MYO5A: variants seen among roughly 807,000 people sequenced by gnomAD.
MYO5A encodes the protein unconventional myosin-Va.
MYO5A carries 98 observed loss-of-function variants against 249.7 expected under a neutral mutation model. That is an observed-to-expected ratio of 0.39 (90% CI 0.33 to 0.46). The LOEUF is 0.46. Ranked by LOEUF, MYO5A falls within the 20% of genes least tolerant of loss-of-function variation. MYO5A has a pLI of 0.98. For synonymous variants in MYO5A, 778 were observed against 810.6 expected (o/e 0.96, Z 0.68); for missense variants, 1,696 against 2,308.8 (o/e 0.73, Z 5.44).
intron 1 of MYO5A, among the ~76,000 whole-genome samples, chr15:52,440,220 A>G (rs1347026153): frequency 6.6e-6 from 1 of 150,892 alleles, no homozygotes; most frequent in Non-Finnish European, 1.5e-5. Context: ...TGGGGGTTAC[A>G]CCCAGCCTTG....
chr15:52,337,791 G>A lies in MYO5A; in HGVS notation c.4314+19C>T, dbSNP rs1206267612. ...AGTAGCAAGGGAAGACAGCAGAAAA[G>A]CACTATGGTTTTACATACAATCATC... On this transcript the variant is annotated intron_variant, in intron 33 of 41. Transcript: ENST00000399233. 1 of 1,510,696 alleles carries A rather than the reference G, an allele frequency of 6.6e-7. No individual in the cohort carries two copies. The highest frequency in any genetic ancestry group is 2.0e-5 in the Admixed American group (1 of 50,288). 93.6% of individuals were successfully genotyped at this position (1,510,696 alleles called of 1,614,324 possible).
intron 1 of MYO5A, chr15:52,437,948 A>G (rs2075702393): frequency 1.4e-5 from 12 of 830,404 alleles, no homozygotes; most frequent in Non-Finnish European, 1.7e-5. Flanking sequence ...CCACCCTGAT[A>G]ACCAATTTCC....
intron 36 of MYO5A, 111 bp downstream of exon 36, chr15:52,327,741 A>G: frequency 8.6e-7 from 1 of 1,168,444 alleles, no homozygotes; most frequent in Admixed American, 1.7e-5. Flanking sequence ...AAAAATTGGA[A>G]AGTTTTAATA....
At chr15:52,493,208 G>T (rs150429045) in intron 1 of MYO5A, among the ~76,000 whole-genome samples, 1 of 152,322 alleles carries the variant, frequency 6.6e-6, no homozygotes, top group Non-Finnish European at 1.5e-5. Context: ...TATAGCCACA[G>T]ATTAAGTGGC....
chr15:52,502,140 G>A (rs879912080), intron 1 of MYO5A, among the ~76,000 whole-genome samples: 11 of 152,090 alleles, frequency 7.2e-5, no homozygotes, highest in Non-Finnish European at 1.6e-4. Context: ...AAAATTATCC[G>A]GGCATGGCGG....
intron 1 of MYO5A, among the ~76,000 whole-genome samples, chr15:52,504,062 T>TCC (rs1566862521): frequency 1.3e-5 from 2 of 151,620 alleles, no homozygotes; most frequent in African/African-American, 2.4e-5. Flanking sequence ...TTCTTTTTTT[T>TCC]TTTTTTTTTT....
chr15:52,352,550 G>C (rs941777759), intron 27 of MYO5A, among the ~76,000 whole-genome samples: 1 of 152,212 alleles, frequency 6.6e-6, no homozygotes. Context: ...GGGAGGCCGA[G>C]ACAGTTGGAT....
rs1196110592 is a variant in MYO5A, at chr15:52,407,325, T to A, written c.913A>T (p.Met305Leu). ...VIEGVDDAKE[M>L]AHTRQACTLL... is the part of the protein sequence containing the mutation. ...GTGCAGGCCTGCCTAGTATGTGCCA[T>A]CTCCTTTGCATCATCCACTCCTTCA... Residue 305 changes from methionine (M) to leucine (L), a missense_variant, in exon 8 of 42, where the codon ATG becomes TTG. Coordinates refer to ENST00000399233, the MANE Select transcript of MYO5A (RefSeq NM_001382347.1). 3 of 1,613,590 alleles carry A rather than the reference T, an allele frequency of 1.9e-6. No individual in the cohort carries two copies. In the African/African-American group the frequency reaches 4.0e-5, roughly 22 times the overall value.
At chr15:52,327,811 T>C (rs771233153) in intron 36 of MYO5A, 41 bp downstream of exon 36, 5 of 1,571,984 alleles carry the variant, frequency 3.2e-6, no homozygotes, top group Middle Eastern at 1.7e-4. Context: ...TCTGTCATCA[T>C]TAACAATTCA....
In MYO5A at chr15:52,364,535, A is replaced by C; in HGVS notation, c.3309+19T>G. 3.1e-6 allele frequency: 5 copies of C among 1,596,482 alleles called. No individual in the cohort carries two copies. The highest frequency in any genetic ancestry group is 1.2e-5 in the South Asian group (1 of 85,624). ...TTTAAAATTTTTCATTAAAAAAAAA[A>C]CAAAAGTGTTTGACTCACCACCATA... On this transcript the variant is annotated intron_variant, in intron 24 of 41. Coordinates refer to ENST00000399233, the MANE Select transcript of MYO5A (RefSeq NM_001382347.1).
In MYO5A at chr15:52,317,134, C is replaced by A; in HGVS notation, c.5323G>T (p.Ala1775Ser). 6.2e-7 allele frequency: 1 copy of A among 1,614,120 alleles called. No homozygotes were observed. The highest frequency in any genetic ancestry group is 8.5e-7 in the Non-Finnish European group (1 of 1,180,010). ...AKETLEPLIQAAQLLQVKKKT... is the reference protein window; with the variant it reads ...AKETLEPLIQSAQLLQVKKKT... ...TTTTTCACTTGCAAAAGTTGAGCAG[C>A]CTGAATGAGAGGTTCCAGGGTTTCT... Residue 1775 changes from alanine (A) to serine (S), a missense_variant, in exon 40 of 42, where the codon GCT becomes TCT. Ala to Ser is a moderately conservative substitution (Grantham distance 99). This residue lies in a region of MYO5A where 625 missense variants were observed against 908.1 expected (regional missense o/e 0.69). Coordinates refer to ENST00000399233, the MANE Select transcript of MYO5A (RefSeq NM_001382347.1).
intron 39 of MYO5A, 110 bp downstream of exon 39, chr15:52,318,950 G>A: frequency 7.3e-7 from 1 of 1,375,380 alleles, no homozygotes; most frequent in Non-Finnish European, 1.0e-6. Context: ...TGGCCACATG[G>A]CACCAGACAT....
intron 4 of MYO5A, among the ~76,000 whole-genome samples, chr15:52,419,036 G>A (rs978270808): frequency 6.6e-6 from 1 of 151,974 alleles, no homozygotes; most frequent in African/African-American, 2.4e-5. Flanking sequence ...TTACATCTAC[G>A]TCATCAACAA....
chr15:52,370,511 TATC>T (rs978347017), intron 21 of MYO5A, 94 bp from the exon 22 acceptor site: 30 of 1,351,384 alleles, frequency 2.2e-5, no homozygotes, highest in African/African-American at 7.2e-5. Context: ...ATTCATGCTA[TATC>T]ATCATAACAT....
At chr15:52,393,610 G>T (rs2693458) in intron 11 of MYO5A, among the ~76,000 whole-genome samples, 1 of 151,982 alleles carries the variant, frequency 6.6e-6, no homozygotes, top group Admixed American at 6.6e-5. Context: ...AGCCAGGACA[G>T]TCTCGATCTC....
At position 52,353,886 on chromosome 15, in the gene MYO5A, G is replaced by A; in HGVS notation, c.3552C>T (p.Leu1184=). Residue 1184 remains leucine (L), a synonymous_variant, in exon 26 of 42, where the codon CTC becomes CTT. Transcript: ENST00000399233. ...TGCTGCGCACCTTGGCCTTGCTGCG[G>A]AGCACCTGCTCCTCCTTGCGGTCCA... ...DELDRKEEQV[L]RSKAKEEERP... is the part of the protein sequence containing the mutation. The A allele has an allele frequency of 6.2e-7, 1 of 1,614,026 alleles. No individual in the cohort carries two copies. The highest frequency in any genetic ancestry group is 8.5e-7 in the Non-Finnish European group (1 of 1,180,028).
chr15:52,412,558 T>C lies in MYO5A; in HGVS notation c.613-2082A>G, dbSNP rs1433479063. On this transcript the variant is annotated intron_variant, in intron 5 of 41. Transcript: ENST00000399233. ...AGGATAGTGGAGCTCTAGGGTTCTT[T>C]TTAAAAAATAAAATTATTTGATTCT... Among the ~76,000 whole-genome samples the C allele has an allele frequency of 3.9e-5, 6 of 152,222 alleles. 1 individual carries two copies. The East Asian group carries it at 1.2e-3, about 29-fold the overall frequency.
chr15:52,413,479 A>G (rs966783775), intron 5 of MYO5A, among the ~76,000 whole-genome samples: 1 of 152,214 alleles, frequency 6.6e-6, no homozygotes, highest in Non-Finnish European at 1.5e-5. Flanking sequence ...AATAATGTGC[A>G]TATCTCTTTA....
intron 30 of MYO5A, among the ~76,000 whole-genome samples, chr15:52,345,152 T>C (rs1596320604): frequency 6.6e-6 from 1 of 152,224 alleles, no homozygotes. Flanking sequence ...TGCATACTAT[T>C]TGCATATAAC....
Sources: gnomAD v4.1 joint callset for allele counts (sites outside exome capture counted in the v4.1 genomes callset) on GRCh38, gnomAD v4.1.1 for gene constraint, gnomAD v4.1.1 regional missense constraint, MANE v1.5 for transcripts, NCBI Gene and HGNC (gene_info 2026-07-23, HGNC 2026-07-21) for gene names.